The following HIPK3 variants were observed in gnomAD, a reference collection of about 807,000 sequenced individuals.
HIPK3 encodes the protein homeodomain-interacting protein kinase 3.
HIPK3 carries 47 observed loss-of-function variants against 124.2 expected under a neutral mutation model. The observed-to-expected ratio is 0.38, with a 90% confidence interval of 0.30 to 0.48. HIPK3 has a LOEUF of 0.48. Ranked by LOEUF, HIPK3 falls within the 20% of genes least tolerant of loss-of-function variation. HIPK3 has a pLI of 0.98. For missense variants in HIPK3, 1,286 were observed against 1,454.3 expected (o/e 0.88, Z 1.88); for synonymous variants, 482 against 515.2 (o/e 0.94, Z 0.87).
Position 33,348,211 on chromosome 11 carries a change from A to G in HIPK3, c.2352A>G (p.Glu784=). 1 of 1,613,794 alleles carries G rather than the reference A, an allele frequency of 6.2e-7. No homozygotes were observed. The highest frequency in any genetic ancestry group is 1.1e-5 in the South Asian group (1 of 91,038). Residue 784 remains glutamate (E), a synonymous_variant, in exon 12 of 17, where the codon GAA becomes GAG. Coordinates refer to ENST00000303296, the MANE Select transcript of HIPK3 (RefSeq NM_005734.5). ...TGGAATGGGAGCCAGGAAGAGAGGA[A>G]ATAAATGCTTTCAGTTGGTAAGATT... ...KLMEWEPGRE[E]INAFSWSNSL...
At chr11:33,292,639 T>C (rs914032811) in intron 2 of HIPK3, among the ~76,000 whole-genome samples, 8 of 152,234 alleles carry the variant, frequency 5.3e-5, no homozygotes, top group Non-Finnish European at 1.5e-5. Flanking sequence ...ATTTCTTTTG[T>C]ATATCATAAA....
intron 1 of HIPK3, among the ~76,000 whole-genome samples, chr11:33,280,546 C>A (rs924358030): frequency 6.6e-6 from 1 of 152,168 alleles, no homozygotes; most frequent in African/African-American, 2.4e-5. Flanking sequence ...CTATAACTTG[C>A]ATGATATTCC....
In HIPK3 at chr11:33,339,466, T is replaced by C; in HGVS notation, c.1545T>C (p.Thr515=). The change falls in exon 6 of 17, where the codon ACT becomes ACC. Residue 515 remains threonine, a synonymous_variant. Coordinates refer to ENST00000303296, the MANE Select transcript of HIPK3 (RefSeq NM_005734.5). ...MLLIDADLRI[T]PAETLNHPFV... Reference sequence around the variant, plus strand: ...TGATTGATGCAGATTTAAGAATTACTCCAGCTGAGACCCTGAACCATCCTT... The same window carrying C: ...TGATTGATGCAGATTTAAGAATTACCCCAGCTGAGACCCTGAACCATCCTT... The C allele has an allele frequency of 6.2e-7, 1 of 1,613,318 alleles. No homozygotes were observed. Among genetic ancestry groups the C allele is most frequent in the Non-Finnish European group, 8.5e-7 (1 of 1,179,346 alleles).
intron 2 of HIPK3, among the ~76,000 whole-genome samples, chr11:33,298,944 TCA>T (rs1851915025): frequency 6.6e-6 from 1 of 152,070 alleles, no homozygotes; most frequent in Non-Finnish European, 1.5e-5. Flanking sequence ...CCTCCTGGGT[TCA>T]GGCAATTCTC....
At chr11:33,344,361 G>A (rs895520900) in intron 8 of HIPK3, among the ~76,000 whole-genome samples, 1 of 152,080 alleles carries the variant, frequency 6.6e-6, no homozygotes, top group Non-Finnish European at 1.5e-5. Flanking sequence ...CAGTTTGAGG[G>A]TCACCACTTA....
intron 2 of HIPK3, among the ~76,000 whole-genome samples, chr11:33,302,852 A>G (rs545112837): frequency 6.6e-6 from 1 of 152,310 alleles, no homozygotes; most frequent in African/African-American, 2.4e-5. Flanking sequence ...TAAAGTATGT[A>G]TTTCTATCCT....
chr11:33,348,329 G>C lies in HIPK3; in HGVS notation c.2369+101G>C, dbSNP rs906277308. ...TTTACCAAAAAGCAACTATTTAAATGTATGTAAATGCAGTCTACATGGATA... is the reference window on the plus strand; with the variant it reads ...TTTACCAAAAAGCAACTATTTAAATCTATGTAAATGCAGTCTACATGGATA... On this transcript the variant is annotated intron_variant, in intron 12 of 16. Coordinates refer to ENST00000303296, the MANE Select transcript of HIPK3 (RefSeq NM_005734.5). 3 of 1,115,264 alleles carry C rather than the reference G, an allele frequency of 2.7e-6. No individual in the cohort carries two copies. In the Admixed American group the frequency reaches 6.7e-5, roughly 25 times the overall value. The allele number at this position is 1,115,264 out of a possible 1,614,324, so 69.1% of individuals were successfully genotyped here.
intron 1 of HIPK3, among the ~76,000 whole-genome samples, chr11:33,266,805 C>T (rs903107447): frequency 2.0e-5 from 3 of 152,022 alleles, no homozygotes; most frequent in African/African-American, 7.3e-5. Flanking sequence ...AAAAATATTA[C>T]CAGTTTTATC....
At chr11:33,327,139 C>T (rs1273535639) in intron 2 of HIPK3, among the ~76,000 whole-genome samples, 1 of 151,694 alleles carries the variant, frequency 6.6e-6, no homozygotes, top group Non-Finnish European at 1.5e-5. Flanking sequence ...ATTTGAGATC[C>T]CACAAAATAC....
chr11:33,259,513 G>A (rs1488989210), intron 1 of HIPK3, among the ~76,000 whole-genome samples: 10 of 152,148 alleles, frequency 6.6e-5, no homozygotes, highest in Non-Finnish European at 2.9e-5. Context: ...TTATGCTTTC[G>A]TGCCACTTAT....
In HIPK3 at chr11:33,353,250, ACAC is replaced by A; in HGVS notation, c.3332_3334del (p.His1111del). On this transcript the variant is annotated inframe_deletion, in exon 17 of 17. Coordinates refer to ENST00000303296, the MANE Select transcript of HIPK3 (RefSeq NM_005734.5). ...TGCATGCCCACCTGGCTGGAAATAC[ACAC>A]CTCGGAGGACAGCCTACTCTACTTC... The A allele has an allele frequency of 6.2e-7, 1 of 1,614,116 alleles. No homozygotes were observed. Among genetic ancestry groups the A allele is most frequent in the Admixed American group, 1.7e-5 (1 of 60,002 alleles).
chr11:33,292,393 A>G (rs1176148264), intron 2 of HIPK3, among the ~76,000 whole-genome samples: 4 of 152,184 alleles, frequency 2.6e-5, no homozygotes, highest in Non-Finnish European at 5.9e-5. Context: ...GGGGAAAAAT[A>G]GTTTGCTTCA....
intron 2 of HIPK3, among the ~76,000 whole-genome samples, chr11:33,318,365 C>G (rs1192729026): frequency 6.6e-6 from 1 of 152,162 alleles, no homozygotes; most frequent in Admixed American, 6.5e-5. Flanking sequence ...GCCACAGTGA[C>G]TGGCCCAAAA....
chr11:33,348,522 G>GAGTAACCAGGTATTC lies in HIPK3; in HGVS notation c.2375_2376insCCAGGTATTCAGTAA (p.Asn792_Ser793insGlnValPheSerAsn). On this transcript the variant is annotated inframe_insertion and splice_region_variant, in exon 13 of 17. Coordinates refer to ENST00000303296, the MANE Select transcript of HIPK3 (RefSeq NM_005734.5). ...TTATAAATTATTCCTTTGGTTGCAGGAGTAATTCATTACAGAATACCAATA... is the reference window on the plus strand; with the variant it reads ...TTATAAATTATTCCTTTGGTTGCAGGAGTAACCAGGTATTCAGTAATTCATTACAGAATACCAATA... The GAGTAACCAGGTATTC allele has an allele frequency of 6.3e-7, 1 of 1,598,448 alleles. No individual in the cohort carries two copies. Among genetic ancestry groups the GAGTAACCAGGTATTC allele is most frequent in the Non-Finnish European group, 8.6e-7 (1 of 1,167,324 alleles).
At chr11:33,295,039 C>T (rs974389495) in intron 2 of HIPK3, among the ~76,000 whole-genome samples, 2 of 152,082 alleles carry the variant, frequency 1.3e-5, no homozygotes, top group Admixed American at 6.6e-5. Flanking sequence ...CCTTCCCCCC[C>T]AGCGATAAAC....
In HIPK3 at chr11:33,348,253, T is replaced by C. The variant is rs144818150; in HGVS notation, c.2369+25T>C. The C allele has an allele frequency of 6.6e-5, 105 of 1,592,722 alleles. No homozygotes were observed. The East Asian group carries it at 2.2e-3, about 34-fold the overall frequency. On this transcript the variant is annotated intron_variant, in intron 12 of 16. Coordinates refer to ENST00000303296, the MANE Select transcript of HIPK3 (RefSeq NM_005734.5). ...GGTAAGATTGTCTTTATTGCCCTTT[T>C]GATTTATTATCTACCTGTAATGTAG...
chr11:33,324,095 A>G (rs1852741359), intron 2 of HIPK3, among the ~76,000 whole-genome samples: 1 of 152,244 alleles, frequency 6.6e-6, no homozygotes, highest in African/African-American at 2.4e-5. Flanking sequence ...TGAGTGGTCC[A>G]TTAGTCAGAA....
intron 2 of HIPK3, among the ~76,000 whole-genome samples, chr11:33,325,551 T>G (rs1388675885): frequency 6.6e-6 from 1 of 152,222 alleles, no homozygotes; most frequent in African/African-American, 2.4e-5. Flanking sequence ...GGTTAATATA[T>G]GCTCTTTATA....
At chr11:33,336,243 G>A (rs1174378875) in intron 3 of HIPK3, among the ~76,000 whole-genome samples, 1 of 152,120 alleles carries the variant, frequency 6.6e-6, no homozygotes, top group Non-Finnish European at 1.5e-5. Context: ...GGGGAAGAAT[G>A]TTTCAAACAG....
Sources: allele counts gnomAD v4.1 joint callset (sites outside exome capture counted in the v4.1 genomes callset), GRCh38; gene constraint gnomAD v4.1.1; transcripts MANE v1.5; gene names NCBI Gene and HGNC (gene_info 2026-07-23, HGNC 2026-07-21).